Variants in ARHGAP39 observed in about 807,000 individuals in gnomAD.
The protein encoded by ARHGAP39 is Rho GTPase activating protein 39, also known as rho GTPase-activating protein 39.
In ARHGAP39, 44 loss-of-function variants were observed where a neutral mutation model predicts 106.9. The observed-to-expected ratio is 0.41, with a 90% CI of 0.32 to 0.53. The LOEUF (loss-of-function observed/expected upper bound fraction) is 0.53. Among genes scored for constraint, ARHGAP39 ranks in the 20% least tolerant of loss-of-function variants. ARHGAP39 has a pLI of 0.21. For missense variants in ARHGAP39, 1,496 were observed against 1,577.3 expected, an observed-to-expected ratio of 0.95 and a Z score of 0.87; for synonymous variants, 768 against 693.2, an observed-to-expected ratio of 1.11 and a Z score of -1.69.
At chr8:144,597,374 T>C (rs1179510153) in intron 2 of ARHGAP39, among the ~76,000 whole-genome samples, 6 of 152,102 alleles carry the variant, frequency 3.9e-5, no homozygotes. Flanking sequence ...CCTGTCTCCA[T>C]CTAGAAGAGC....
chr8:144,673,087 T>G (rs999323304), intron 1 of ARHGAP39, among the ~76,000 whole-genome samples: 3 of 152,092 alleles, frequency 2.0e-5, no homozygotes, highest in African/African-American at 7.2e-5. Flanking sequence ...CATGGTGACA[T>G]GCACCTATTG....
chr8:144,599,530 T>G (rs1341094993), intron 2 of ARHGAP39, among the ~76,000 whole-genome samples: 1 of 152,124 alleles, frequency 6.6e-6, no homozygotes, highest in African/African-American at 2.4e-5. Flanking sequence ...CTGCAGCAGG[T>G]AGGCAGGTGC....
At chr8:144,581,760 G>T (rs1305920444) in intron 2 of ARHGAP39, among the ~76,000 whole-genome samples, 2 of 152,172 alleles carry the variant, frequency 1.3e-5, no homozygotes, top group Non-Finnish European at 2.9e-5. Context: ...TTCTCCCAAG[G>T]ATCCCCCAGA....
chr8:144,581,401 A>T (rs1225951466), intron 2 of ARHGAP39, 124 bp from the exon 3 acceptor site: 1 of 1,134,612 alleles, frequency 8.8e-7, no homozygotes, highest in Non-Finnish European at 1.2e-6. Flanking sequence ...GAGGAAAGCA[A>T]ACCCAAGCCC....
At chr8:144,689,601 T>A (rs924577720), upstream of ARHGAP39, among the ~76,000 whole-genome samples, 1 of 150,556 alleles carries the variant, frequency 6.6e-6, no homozygotes, top group Non-Finnish European at 1.5e-5. Flanking sequence ...CACACCCGGC[T>A]AATTTTTGTA....
chr8:144,543,604 G>A (rs1340204818), intron 6 of ARHGAP39, among the ~76,000 whole-genome samples: 1 of 152,200 alleles, frequency 6.6e-6, no homozygotes, highest in Admixed American at 6.5e-5. Context: ...GCCTTCTTTG[G>A]CAGAGCTCTG....
chr8:144,672,459 G>A (rs1822123745), intron 1 of ARHGAP39, among the ~76,000 whole-genome samples: 1 of 152,216 alleles, frequency 6.6e-6, no homozygotes, highest in Non-Finnish European at 1.5e-5. Context: ...AGAAAAGGCA[G>A]GAAAGATGAA....
At chr8:144,532,040 T>C (rs982789670) in intron 10 of ARHGAP39, among the ~76,000 whole-genome samples, 5 of 143,808 alleles carry the variant, frequency 3.5e-5, no homozygotes, top group Admixed American at 2.0e-4. Flanking sequence ...GGGAGTAGGC[T>C]AGACATAGCA....
chr8:144,624,109 G>C (rs985706051), intron 1 of ARHGAP39, among the ~76,000 whole-genome samples: 6 of 152,172 alleles, frequency 3.9e-5, no homozygotes, highest in Non-Finnish European at 7.3e-5. Flanking sequence ...CTCCCGAAGA[G>C]AAGCTTCCTT....
rs780855043 is a variant in ARHGAP39, at chr8:144,605,538, G to C, written c.77C>G (p.Thr26Ser). The C allele has an allele frequency of 1.2e-6, 2 of 1,613,906 alleles. No individual in the cohort carries two copies. The highest frequency in any genetic ancestry group is 1.7e-6 in the Non-Finnish European group (2 of 1,180,018). ...CGCAGGTCGGTCGGCTCCTTACCGA[G>C]TGTTCGACCCTGGAATCCTCGACTC... is the stretch of plus-strand genomic sequence containing the variant. ...LPESRIPGSN[T>S]RLEWVEIIEP... The change falls in exon 2 of 12, where the codon ACT (threonine) becomes AGT (serine). Residue 26 changes from threonine to serine, a missense_variant. Transcript: ENST00000377307.
intron 1 of ARHGAP39, among the ~76,000 whole-genome samples, chr8:144,622,917 C>G: frequency 6.6e-6 from 1 of 152,164 alleles, no homozygotes; most frequent in South Asian, 2.1e-4. Context: ...CGGGGGACGC[C>G]CCAAGGCTGA....
rs6996077 is a variant in ARHGAP39 at position 144,548,903 on chromosome 8, C to T, written c.597-414G>A. ...GACCCGTCCCAGTGGTCCAGGTGAG[C>T]CCAGCAGGAGGAAGGCACACCACCA... On this transcript the variant is annotated intron_variant, in intron 4 of 11. Transcript: ENST00000377307. This position sits in a 1 kb window ranked among gnomAD's most constrained non-coding sequence, Gnocchi z 7.4. 0.071 allele frequency among the ~76,000 whole-genome samples: 10,738 copies of T among 152,248 alleles called. 818 individuals carry two copies. Among genetic ancestry groups the T allele is most frequent in the African/African-American group, 0.19 (7,742 of 41,498 alleles).
intron 1 of ARHGAP39, 159 bp from the exon 2 acceptor site, chr8:144,605,854 C>G: frequency 1.8e-6 from 1 of 558,698 alleles, no homozygotes; most frequent in East Asian, 3.0e-5. Flanking sequence ...CCTCAGTGCT[C>G]CTGATGCCTG....
At position 144,679,934 on chromosome 8, in the gene ARHGAP39, C is replaced by T. The variant is rs577275766; in HGVS notation, c.-82+5752G>A. 1.4e-4 allele frequency among the ~76,000 whole-genome samples: 22 copies of T among 152,252 alleles called. No homozygotes were observed. The South Asian group carries it at 3.9e-3, about 27-fold the overall frequency. ...TGCGGAGCTTGCAGTGAGTCGAGAT[C>T]GCGCCGCCGCACTCCAGCCTGGACG... On this transcript the variant is annotated intron_variant, in intron 1 of 11. Coordinates refer to ENST00000377307, the MANE Select transcript of ARHGAP39 (RefSeq NM_025251.3). This position sits in a 1 kb window ranked among gnomAD's most constrained non-coding sequence, Gnocchi z 4.7.
intron 1 of ARHGAP39, among the ~76,000 whole-genome samples, chr8:144,630,206 GCTC>G (rs1821027305): frequency 6.6e-6 from 1 of 152,160 alleles, no homozygotes. Flanking sequence ...GCACTGTCCA[GCTC>G]CTCCTCACTG....
chr8:144,572,946 G>A (rs1818636332), intron 3 of ARHGAP39, among the ~76,000 whole-genome samples: 1 of 152,164 alleles, frequency 6.6e-6, no homozygotes. Context: ...AGTTAGAATG[G>A]CGATCATTAA....
chr8:144,616,234 A>C (rs1200534844), intron 1 of ARHGAP39, among the ~76,000 whole-genome samples: 1 of 152,202 alleles, frequency 6.6e-6, no homozygotes, highest in African/African-American at 2.4e-5. Context: ...GGACGCATGG[A>C]CCTGCCTGGC....
chr8:144,610,477 C>T (rs538199885), intron 1 of ARHGAP39, among the ~76,000 whole-genome samples: 87 of 151,776 alleles, frequency 5.7e-4, no homozygotes, highest in African/African-American at 1.7e-3. Context: ...TTTGGGAGGC[C>T]GAGGTGGGTG....
rs1468647519 is a variant in ARHGAP39, at chr8:144,581,125, G to T, written c.233C>A (p.Ser78Tyr). 1 of 1,591,536 alleles carries T rather than the reference G, an allele frequency of 6.3e-7. No homozygotes were observed. The highest frequency in any genetic ancestry group is 8.5e-7 in the Non-Finnish European group (1 of 1,169,992). ...QWWELFDPNT[S>Y]RFYYYNASTQ... ...GCTGGCATTGTAGTAGTAGAAGCGG[G>T]ACGTGTTGGGGTCGAACAGCTCCCA... is the stretch of plus-strand genomic sequence containing the variant. The change falls in exon 3 of 12, where the codon TCC becomes TAC. Residue 78 changes from serine to tyrosine, a missense_variant. By Grantham distance (144) the Ser-to-Tyr change is moderately radical. Transcript: ENST00000377307.
Sources: gnomAD v4.1 joint callset for allele counts (sites outside exome capture counted in the v4.1 genomes callset) on GRCh38, gnomAD v4.1.1 for gene constraint, Gnocchi (gnomAD v3.1) non-coding constraint, MANE v1.5 for transcripts, NCBI Gene and HGNC (gene_info 2026-07-23, HGNC 2026-07-21) for gene names.